TNFAIP8: variants seen among roughly 807,000 people sequenced by gnomAD.
TNFAIP8 encodes tumor necrosis factor alpha-induced protein 8.
Under a neutral mutation model 13.3 loss-of-function variants are expected in TNFAIP8, and 7 were observed. That is an observed-to-expected ratio of 0.52 (90% confidence interval 0.30 to 0.99). The LOEUF (loss-of-function observed/expected upper bound fraction) is 0.99. Ranked by LOEUF, TNFAIP8 falls within the 50% of genes least tolerant of loss-of-function variation. The probability of loss-of-function intolerance (pLI) is 0.07; values close to 1 mark genes in which losing one functional copy is unlikely to be tolerated. For missense variants in TNFAIP8, 258 were observed against 236.9 expected, an observed-to-expected ratio of 1.09 and a Z score of -0.58; for synonymous variants, 94 against 87.6, an observed-to-expected ratio of 1.07 and a Z score of -0.41.
intron 1 of TNFAIP8, among the ~76,000 whole-genome samples, chr5:119,389,024 G>C (rs553156583): frequency 3.9e-5 from 6 of 152,258 alleles, no homozygotes; most frequent in Non-Finnish European, 7.3e-5. Flanking sequence ...GCTGCTGTCC[G>C]TGGAGATGGA....
At chr5:119,388,299 G>A (rs1752755132) in intron 1 of TNFAIP8, among the ~76,000 whole-genome samples, 1 of 152,180 alleles carries the variant, frequency 6.6e-6, no homozygotes, top group African/African-American at 2.4e-5. Flanking sequence ...GTTTAGTGAG[G>A]TAAAACAAAT....
intron 1 of TNFAIP8, among the ~76,000 whole-genome samples, chr5:119,328,219 GC>G (rs1750279454): frequency 6.6e-6 from 1 of 152,126 alleles, no homozygotes; most frequent in Admixed American, 6.6e-5. Flanking sequence ...GCCACCCACT[GC>G]AGTTCTGACC....
At chr5:119,299,515 C>G (rs897616172) in intron 1 of TNFAIP8, among the ~76,000 whole-genome samples, 2 of 152,202 alleles carry the variant, frequency 1.3e-5, no homozygotes, top group African/African-American at 2.4e-5. Context: ...CAGTCTGCCT[C>G]TACTGGGGGG....
chr5:119,363,075 A>T (rs547960931), intron 1 of TNFAIP8, among the ~76,000 whole-genome samples: 1 of 152,316 alleles, frequency 6.6e-6, no homozygotes, highest in South Asian at 2.1e-4. Context: ...TACAAAGGAG[A>T]GAGGTAGATG....
At chr5:119,390,881 C>T (rs1277053708) in intron 1 of TNFAIP8, among the ~76,000 whole-genome samples, 2 of 151,986 alleles carry the variant, frequency 1.3e-5, no homozygotes, top group Non-Finnish European at 2.9e-5. Context: ...TGCAGTAGTG[C>T]AATCACTGCT....
intron 1 of TNFAIP8, among the ~76,000 whole-genome samples, chr5:119,279,086 T>G (rs11744827): frequency 2.0e-5 from 3 of 152,034 alleles, no homozygotes; most frequent in African/African-American, 7.3e-5. Flanking sequence ...GGCACTGTGC[T>G]GAGTGCTTTA....
At chr5:119,294,093 T>A (rs1211001263) in intron 1 of TNFAIP8, among the ~76,000 whole-genome samples, 2 of 152,128 alleles carry the variant, frequency 1.3e-5, no homozygotes, top group African/African-American at 4.8e-5. Context: ...ATGTGCACAG[T>A]GTGCAGGTTA....
chr5:119,304,016 C>T (rs1199294009), intron 1 of TNFAIP8, among the ~76,000 whole-genome samples: 1 of 152,214 alleles, frequency 6.6e-6, no homozygotes, highest in Admixed American at 6.5e-5. Context: ...AGTCTCCTTT[C>T]TTATGGCTTG....
chr5:119,319,726 A>G (rs559165776), intron 1 of TNFAIP8, among the ~76,000 whole-genome samples: 3 of 152,194 alleles, frequency 2.0e-5, no homozygotes, highest in Non-Finnish European at 4.4e-5. Context: ...ATTATGCTTG[A>G]CAGTACCTTC....
intron 1 of TNFAIP8, among the ~76,000 whole-genome samples, chr5:119,390,870 G>A (rs1474087082): frequency 1.3e-5 from 2 of 152,066 alleles, no homozygotes; most frequent in Admixed American, 6.5e-5. Flanking sequence ...CCAGGCTGGA[G>A]TGCAGTAGTG....
chr5:119,333,422 T>G, intron 1 of TNFAIP8: 1 of 1,366,626 alleles, frequency 7.3e-7, no homozygotes. Flanking sequence ...TGCATTTATG[T>G]GGTAAGCTTA....
At chr5:119,282,144 G>A (rs1042133348) in intron 1 of TNFAIP8, among the ~76,000 whole-genome samples, 1 of 152,168 alleles carries the variant, frequency 6.6e-6, no homozygotes, top group African/African-American at 2.4e-5. Context: ...GAGCTGTTAT[G>A]TTACCAAATC....
At chr5:119,359,688 T>C (rs987880784) in intron 1 of TNFAIP8, among the ~76,000 whole-genome samples, 1 of 152,240 alleles carries the variant, frequency 6.6e-6, no homozygotes, top group African/African-American at 2.4e-5. Context: ...TGGCAGCTTA[T>C]ATAATATCAT....
At chr5:119,299,177 G>A (rs1473771293) in intron 1 of TNFAIP8, among the ~76,000 whole-genome samples, 1 of 152,166 alleles carries the variant, frequency 6.6e-6, no homozygotes, top group Non-Finnish European at 1.5e-5. Flanking sequence ...GAGGAGGAGA[G>A]GCGCTCTGCT....
At chr5:119,368,028 C>T (rs1204471902) in intron 1 of TNFAIP8, among the ~76,000 whole-genome samples, 1 of 152,106 alleles carries the variant, frequency 6.6e-6, no homozygotes, top group Non-Finnish European at 1.5e-5. Context: ...AAGTCATCTC[C>T]CCACTGAGGT....
At chr5:119,378,823 C>T (rs185471729) in intron 1 of TNFAIP8, among the ~76,000 whole-genome samples, 1 of 152,276 alleles carries the variant, frequency 6.6e-6, no homozygotes, top group East Asian at 1.9e-4. Flanking sequence ...CCTGTAATCC[C>T]AGTGCTTTGG....
intron 1 of TNFAIP8, among the ~76,000 whole-genome samples, chr5:119,382,336 G>A (rs1562031676): frequency 2.0e-5 from 3 of 152,046 alleles, no homozygotes; most frequent in Admixed American, 1.3e-4. Context: ...ATCTATCCCC[G>A]GACCAGTCCC....
intron 1 of TNFAIP8, among the ~76,000 whole-genome samples, chr5:119,293,815 A>T (rs1749071914): frequency 6.6e-6 from 1 of 152,210 alleles, no homozygotes; most frequent in African/African-American, 2.4e-5. Flanking sequence ...AGAGTTTATT[A>T]TACTCTTTCT....
At chr5:119,377,866 C>T (rs902280657) in intron 1 of TNFAIP8, among the ~76,000 whole-genome samples, 1 of 152,110 alleles carries the variant, frequency 6.6e-6, no homozygotes, top group Non-Finnish European at 1.5e-5. Context: ...AATATAATCA[C>T]ATTTATTTCT....
Sources: allele counts gnomAD v4.1 joint callset (sites outside exome capture counted in the v4.1 genomes callset), GRCh38; gene constraint gnomAD v4.1.1; transcripts MANE v1.5; gene names NCBI Gene and HGNC (gene_info 2026-07-23, HGNC 2026-07-21).